DOP1A: variants seen among roughly 807,000 people sequenced by gnomAD.
The protein encoded by DOP1A is DOP1 leucine zipper like protein A.
In DOP1A, 90 loss-of-function variants were observed where a neutral mutation model predicts 267.6. That is an observed-to-expected ratio of 0.34 (90% CI 0.28 to 0.40). The LOEUF (loss-of-function observed/expected upper bound fraction) is 0.40, where lower values mean the gene tolerates loss of function less well. Among genes scored for constraint, DOP1A ranks in the 10% least tolerant of loss-of-function variants. The pLI is 1.00. For synonymous variants in DOP1A, 932 were observed against 999.1 expected, an observed-to-expected ratio of 0.93 and a Z score of 1.27; for missense variants, 2,437 against 2,900.4, an observed-to-expected ratio of 0.84 and a Z score of 3.67.
intron 3 of DOP1A, among the ~76,000 whole-genome samples, 197 bp from the exon 4 acceptor site, chr6:83,100,508 T>A (rs970649568): frequency 3.3e-5 from 5 of 152,142 alleles, no homozygotes; most frequent in Admixed American, 1.3e-4. Flanking sequence ...AGGTAACGAG[T>A]TTATTTTTTA....
downstream of DOP1A, chr6:83,170,574 T>C (rs1786883081): frequency 1.5e-5 from 14 of 927,366 alleles, no homozygotes; most frequent in South Asian, 2.3e-4. Flanking sequence ...CCAGACTAAA[T>C]ATAAAATTAC....
At chr6:83,140,770 T>G (rs1171444124) in intron 23 of DOP1A, among the ~76,000 whole-genome samples, 1 of 152,208 alleles carries the variant, frequency 6.6e-6, no homozygotes, top group Non-Finnish European at 1.5e-5. Context: ...CTGAAAAAGT[T>G]CATATAAATG....
Position 83,122,886 on chromosome 6 carries a change from C to G in DOP1A, c.1244C>G (p.Thr415Arg). ...LSSKLRENKK[T>R]AELIKTANLL... is the part of the protein sequence containing the mutation. ...AGTAAATTAAGAGAAAATAAGAAAA[C>G]AGCAGAGCTGATTAAAACTGCTAAC... Residue 415 changes from threonine (T) to arginine (R), a missense_variant, in exon 12 of 39, where the codon ACA becomes AGA. Coordinates refer to ENST00000349129, the MANE Select transcript of DOP1A (RefSeq NM_015018.4). 1 of 1,524,034 alleles carries G rather than the reference C, an allele frequency of 6.6e-7. No individual in the cohort carries two copies. Among genetic ancestry groups the G allele is most frequent in the Non-Finnish European group, 8.8e-7 (1 of 1,135,508 alleles). 94.4% of individuals were successfully genotyped at this position (1,524,034 alleles called of 1,614,324 possible). A position where few individuals can be genotyped will look rare whatever the true frequency, so the allele number is the denominator to read the frequency against.
rs1008126773 is a variant in DOP1A at position 83,113,221 on chromosome 6, C to T, written c.682-102C>T. 11 of 738,970 alleles carry T rather than the reference C, an allele frequency of 1.5e-5. No homozygotes were observed. In the South Asian group the frequency reaches 2.2e-4, roughly 15 times the overall value. 45.8% of individuals were successfully genotyped at this position (738,970 alleles called of 1,614,324 possible). On this transcript the variant is annotated intron_variant, in intron 6 of 38. Coordinates refer to ENST00000349129, the MANE Select transcript of DOP1A (RefSeq NM_015018.4). ...AAATATCTTTAATTATTGATTAGAT[C>T]CTCAGAAGCATACTTTCGAGAAAAT...
chr6:83,079,056 T>C (rs902034766), intron 1 of DOP1A, among the ~76,000 whole-genome samples: 1 of 151,922 alleles, frequency 6.6e-6, no homozygotes, highest in Admixed American at 6.5e-5. Flanking sequence ...ACATTAATTC[T>C]AGTTTACTTT....
chr6:83,107,295 G>C (rs190667234), intron 4 of DOP1A, among the ~76,000 whole-genome samples: 1 of 152,118 alleles, frequency 6.6e-6, no homozygotes, highest in African/African-American at 2.4e-5. Context: ...GGACAGGCGG[G>C]TCATGGCCCT....
At chr6:83,093,528 C>T (rs1397590143) in intron 1 of DOP1A, among the ~76,000 whole-genome samples, 1 of 152,176 alleles carries the variant, frequency 6.6e-6, no homozygotes, top group Non-Finnish European at 1.5e-5. Context: ...GAAGTAGACT[C>T]TCCCCAATAA....
At chr6:83,098,248 T>G (rs1237677528) in intron 3 of DOP1A, among the ~76,000 whole-genome samples, 1 of 152,174 alleles carries the variant, frequency 6.6e-6, no homozygotes, top group African/African-American at 2.4e-5. Context: ...CTAAGATGTG[T>G]GGGGGAAGAA....
chr6:83,089,081 C>T (rs1370553743), intron 1 of DOP1A, among the ~76,000 whole-genome samples: 1 of 152,202 alleles, frequency 6.6e-6, no homozygotes, highest in Non-Finnish European at 1.5e-5. Flanking sequence ...TCCCCAGATA[C>T]ATCTTTGGAA....
chr6:83,125,436 T>C, intron 14 of DOP1A, 64 bp from the exon 15 acceptor site: 2 of 1,455,626 alleles, frequency 1.4e-6, no homozygotes, highest in East Asian at 2.3e-5. Context: ...TTTATATAGA[T>C]TAAAAAATGT....
chr6:83,158,727 T>C, intron 36 of DOP1A, 105 bp downstream of exon 36: 2 of 766,750 alleles, frequency 2.6e-6, no homozygotes, highest in Non-Finnish European at 4.2e-6. Flanking sequence ...TGAATACTTA[T>C]TTATTATTAT....
Position 83,075,827 on chromosome 6 carries a change from A to G in DOP1A, c.-147+8048A>G, listed in dbSNP as rs192102011. On this transcript the variant is annotated intron_variant, in intron 1 of 38. Transcript: ENST00000349129. Reference sequence around the variant, plus strand: ...TGAAGTTGTATATCTTATACCATACACAAAGATTAACACAAAATGGATTAA... The same window carrying G: ...TGAAGTTGTATATCTTATACCATACGCAAAGATTAACACAAAATGGATTAA... 3.9e-5 allele frequency among the ~76,000 whole-genome samples: 6 copies of G among 152,356 alleles called. No individual in the cohort carries two copies. The East Asian group carries it at 9.6e-4, about 24-fold the overall frequency.
chr6:83,129,320 C>T lies in DOP1A; in HGVS notation c.2153C>T (p.Thr718Ile). The T allele has an allele frequency of 6.2e-7, 1 of 1,604,750 alleles. No individual in the cohort carries two copies. Among genetic ancestry groups the T allele is most frequent in the Non-Finnish European group, 8.5e-7 (1 of 1,177,116 alleles). ...QGDLGREQGETSKWDRNSQGD... is the reference protein window; with the variant it reads ...QGDLGREQGEISKWDRNSQGD... ...GATCTTGGTCGAGAACAAGGAGAGA[C>T]TTCAAAATGGGACAGAAATTCACAA... Residue 718 changes from threonine (T) to isoleucine (I), a missense_variant, in exon 16 of 39, where the codon ACT becomes ATT. By Grantham distance (89) the Thr-to-Ile change is moderately conservative (BLOSUM62 -1). Transcript: ENST00000349129.
intron 24 of DOP1A, among the ~76,000 whole-genome samples, chr6:83,142,310 C>G (rs780603768): frequency 6.6e-6 from 1 of 152,028 alleles, no homozygotes; most frequent in African/African-American, 2.4e-5. Flanking sequence ...GAGATCCAGA[C>G]CAGCCTGGCC....
intron 34 of DOP1A, 72 bp from the exon 35 acceptor site, chr6:83,157,110 G>A: frequency 6.7e-7 from 1 of 1,482,400 alleles, no homozygotes; most frequent in Non-Finnish European, 9.2e-7. Flanking sequence ...TGAGAGTACT[G>A]GACCGACAAT....
chr6:83,068,777 A>G (rs2127933078), intron 1 of DOP1A, among the ~76,000 whole-genome samples: 1 of 152,378 alleles, frequency 6.6e-6, no homozygotes, highest in South Asian at 2.1e-4. Context: ...CCTGATAGAT[A>G]ACACAGTGAT....
chr6:83,113,169 T>TTA (rs759838609), intron 6 of DOP1A, among the ~76,000 whole-genome samples, 154 bp from the exon 7 acceptor site: 1 of 152,122 alleles, frequency 6.6e-6, no homozygotes, highest in Non-Finnish European at 1.5e-5. Context: ...TAAACCATCA[T>TTA]TATATATATA....
chr6:83,089,302 T>C (rs1769897702), intron 1 of DOP1A, among the ~76,000 whole-genome samples: 1 of 152,250 alleles, frequency 6.6e-6, no homozygotes. Context: ...TCATTTCTTA[T>C]TTAAATTTTA....
intron 7 of DOP1A, among the ~76,000 whole-genome samples, chr6:83,115,991 A>G (rs953598394): frequency 9.9e-5 from 15 of 151,930 alleles, no homozygotes; most frequent in African/African-American, 3.6e-4. Flanking sequence ...ACCCCATTAC[A>G]CTCTTTAAAA....
Sources: gnomAD v4.1 joint callset for allele counts (sites outside exome capture counted in the v4.1 genomes callset) on GRCh38, gnomAD v4.1.1 for gene constraint, MANE v1.5 for transcripts, NCBI Gene and HGNC (gene_info 2026-07-23, HGNC 2026-07-21) for gene names.